The following PDE10A variants were observed in gnomAD, a reference collection of about 807,000 sequenced individuals.
PDE10A encodes cAMP and cAMP-inhibited cGMP 3',5'-cyclic phosphodiesterase 10A.
Under a neutral mutation model 97.7 loss-of-function variants are expected in PDE10A, and 39 were observed. The observed-to-expected ratio is 0.40, with a 90% CI of 0.31 to 0.52. The LOEUF (loss-of-function observed/expected upper bound fraction) is 0.52, where lower values mean the gene tolerates loss of function less well. Among genes scored for constraint, PDE10A ranks in the 20% least tolerant of loss-of-function variants. The probability of loss-of-function intolerance (pLI) is 0.56; values close to 1 mark genes in which losing one functional copy is unlikely to be tolerated. For missense variants in PDE10A, 731 were observed against 1,047.8 expected (o/e 0.70, Z 4.17); for synonymous variants, 371 against 376.8 (o/e 0.98, Z 0.18).
At position 165,600,832 on chromosome 6, in the gene PDE10A, A is replaced by ATCAAG. The variant is rs144620770; in HGVS notation, c.866-57269_866-57265dup. 1.0e-2 allele frequency among the ~76,000 whole-genome samples: 1,518 copies of ATCAAG among 152,328 alleles called. 29 individuals are homozygous for ATCAAG. Among genetic ancestry groups the ATCAAG allele is most frequent in the African/African-American group, 0.034 (1,425 of 41,568 alleles). The stretch of plus-strand genomic sequence containing the variant: ...CTTTTAACTACTCTGACATGATTGT[A>ATCAAG]TCAAGTCAGACAGTGGTATTTTCAA... On this transcript the variant is annotated intron_variant, in intron 1 of 21. Coordinates refer to ENST00000539869, the MANE Select transcript of PDE10A (RefSeq NM_001385079.1).
intron 18 of PDE10A, among the ~76,000 whole-genome samples, chr6:165,370,221 C>T (rs1489921511): frequency 1.3e-5 from 2 of 151,250 alleles, no homozygotes; most frequent in East Asian, 1.9e-4. Context: ...CAAATTCACA[C>T]ATAACAATAT....
At chr6:165,847,948 T>C (rs936935792) in intron 1 of PDE10A, among the ~76,000 whole-genome samples, 7 of 152,244 alleles carry the variant, frequency 4.6e-5, no homozygotes, top group African/African-American at 1.7e-4. Context: ...ATAGGTCACA[T>C]GTGCTACTGT....
intron 2 of PDE10A, among the ~76,000 whole-genome samples, chr6:165,507,970 AG>A (rs1437707220): frequency 6.6e-6 from 1 of 152,164 alleles, no homozygotes; most frequent in African/African-American, 2.4e-5. Flanking sequence ...CAACTTATGT[AG>A]ATATATTTCA....
At chr6:165,644,498 C>T (rs1490591817) in intron 1 of PDE10A, among the ~76,000 whole-genome samples, 2 of 152,210 alleles carry the variant, frequency 1.3e-5, no homozygotes, top group African/African-American at 2.4e-5. Context: ...GTACAATGCC[C>T]AGAGGTAAGG....
At chr6:165,557,326 G>A (rs567603804) in intron 1 of PDE10A, among the ~76,000 whole-genome samples, 1 of 152,122 alleles carries the variant, frequency 6.6e-6, no homozygotes, top group African/African-American at 2.4e-5. Context: ...CTTATATACC[G>A]ATTCATAATT....
intron 1 of PDE10A, among the ~76,000 whole-genome samples, chr6:165,601,907 C>T (rs1011474013): frequency 5.3e-5 from 8 of 152,042 alleles, no homozygotes; most frequent in South Asian, 2.1e-4. Context: ...CCCTGTTGGC[C>T]GTAATTATTG....
At chr6:165,876,592 A>AT (rs1781351280) in intron 1 of PDE10A, among the ~76,000 whole-genome samples, 2 of 152,130 alleles carry the variant, frequency 1.3e-5, no homozygotes, top group African/African-American at 4.8e-5. Context: ...ACTCCTCTAT[A>AT]TTTTCCATTA....
In PDE10A at chr6:165,783,217, A is replaced by AC. The variant is rs1156266718; in HGVS notation, c.-615+204311dup. ...GGCTGCTAAAGTAATAACAGAGGGC[A>AC]CCTCATCACACTTGTCAAGTTGCAC... On this transcript the variant is annotated intron_variant, in intron 1 of 19. Coordinates refer to the PDE10A transcript ENST00000366882. Among the ~76,000 whole-genome samples the AC allele has an allele frequency of 3.3e-5, 5 of 152,310 alleles. No homozygotes were observed. The East Asian group carries it at 7.7e-4, about 24-fold the overall frequency.
intron 1 of PDE10A, among the ~76,000 whole-genome samples, chr6:165,738,355 T>C (rs1207275316): frequency 7.2e-5 from 11 of 151,908 alleles, no homozygotes; most frequent in African/African-American, 2.7e-4. Flanking sequence ...TCATTTTTTA[T>C]GGCTGCATAG....
At chr6:165,821,386 C>A (rs1227747121) in intron 1 of PDE10A, among the ~76,000 whole-genome samples, 1 of 152,154 alleles carries the variant, frequency 6.6e-6, no homozygotes, top group Non-Finnish European at 1.5e-5. Context: ...AGTGAAATCA[C>A]CTCAGTGATG....
intron 1 of PDE10A, among the ~76,000 whole-genome samples, chr6:165,916,312 T>C (rs1463843562): frequency 6.6e-6 from 1 of 152,220 alleles, no homozygotes; most frequent in Non-Finnish European, 1.5e-5. Flanking sequence ...TTCCACACGT[T>C]CTTCTCTGCT....
intron 1 of PDE10A, among the ~76,000 whole-genome samples, chr6:165,558,973 G>A (rs900375316): frequency 4.0e-5 from 6 of 151,042 alleles, no homozygotes; most frequent in African/African-American, 9.8e-5. Context: ...AATAAATAAC[G>A]GAAGCACTAT....
chr6:165,651,964 G>A (rs1451388560), intron 1 of PDE10A, among the ~76,000 whole-genome samples: 1 of 151,954 alleles, frequency 6.6e-6, no homozygotes, highest in African/African-American at 2.4e-5. Context: ...CACGTGTCTG[G>A]GTTTGTTAAC....
At position 165,334,144 on chromosome 6, in the gene PDE10A, G is replaced by A. The variant is rs191352801; in HGVS notation, c.3066-1017C>T. ...ATGATACATCATACGCTTTTTAAGC[G>A]TTAATAAGATTAAAATGGCCTTTAA... On this transcript the variant is annotated intron_variant, in intron 21 of 21. Transcript: ENST00000539869. Among the ~76,000 whole-genome samples the A allele has an allele frequency of 2.2e-4, 33 of 152,320 alleles. 1 individual carries two copies. The South Asian group carries it at 2.3e-3, about 11-fold the overall frequency.
At chr6:165,820,646 T>C (rs549179515) in intron 1 of PDE10A, among the ~76,000 whole-genome samples, 1 of 152,260 alleles carries the variant, frequency 6.6e-6, no homozygotes, top group East Asian at 1.9e-4. Context: ...CCAAAATGCT[T>C]CATATGCACA....
intron 1 of PDE10A, among the ~76,000 whole-genome samples, chr6:165,938,777 C>T (rs1311263010): frequency 1.3e-5 from 2 of 152,194 alleles, no homozygotes; most frequent in African/African-American, 4.8e-5. Context: ...CACACACACA[C>T]ACGCACTACA....
At chr6:165,739,048 A>C (rs1158035242) in intron 1 of PDE10A, among the ~76,000 whole-genome samples, 1 of 152,206 alleles carries the variant, frequency 6.6e-6, no homozygotes, top group East Asian at 1.9e-4. Context: ...AATTAATGTT[A>C]AAATATCCAT....
In PDE10A at chr6:165,887,184, A is replaced by G. The variant is rs569342715; in HGVS notation, c.-615+100345T>C. Among the ~76,000 whole-genome samples the G allele has an allele frequency of 1.9e-4, 29 of 152,296 alleles. No individual in the cohort carries two copies. In the South Asian group the frequency reaches 6.0e-3, roughly 32 times the overall value. ...TGAGCATGAACCTTCTTCTCCCACC[A>G]TCAGGGGTGAAGAAGGAGCCTACAA... On this transcript the variant is annotated intron_variant, in intron 1 of 19. Transcript: ENST00000366882.
chr6:165,801,867 A>G (rs1049487129), intron 1 of PDE10A, among the ~76,000 whole-genome samples: 1 of 152,208 alleles, frequency 6.6e-6, no homozygotes, highest in African/African-American at 2.4e-5. Flanking sequence ...CAATGACTGC[A>G]TGAAATAAGA....
Sources: allele counts gnomAD v4.1 joint callset (sites outside exome capture counted in the v4.1 genomes callset), GRCh38; gene constraint gnomAD v4.1.1; transcripts MANE v1.5; gene names NCBI Gene and HGNC (gene_info 2026-07-23, HGNC 2026-07-21).